Variants in GABRG3 observed in about 807,000 individuals in gnomAD.
GABRG3 encodes the protein gamma-aminobutyric acid receptor subunit gamma-3.
A neutral mutation model predicts 48.8 loss-of-function variants in GABRG3; 25 were observed. The observed-to-expected ratio is 0.51, with a 90% confidence interval of 0.37 to 0.72. The LOEUF (loss-of-function observed/expected upper bound fraction) is 0.72, where lower values mean the gene tolerates loss of function less well. Ranked by LOEUF, GABRG3 falls within the 30% of genes least tolerant of loss-of-function variation. The probability of loss-of-function intolerance (pLI) is 0.00; values close to 1 mark genes in which losing one functional copy is unlikely to be tolerated. For missense variants in GABRG3, 394 were observed against 577.9 expected (o/e 0.68, Z 3.26); for synonymous variants, 227 against 217.6 (o/e 1.04, Z -0.38).
chr15:27,532,789 A>G lies in GABRG3; in HGVS notation c.1312A>G (p.Ile438Val), dbSNP rs1891458969. The G allele has an allele frequency of 6.2e-7, 1 of 1,613,882 alleles. No homozygotes were observed. The highest frequency in any genetic ancestry group is 1.3e-5 in the African/African-American group (1 of 74,934). The part of the protein sequence containing the change: ...SWRKGRIHID[I>V]LELDSYSRVF... The stretch of plus-strand genomic sequence containing the variant: ...GAGGAAAGGGCGTATTCACATAGAC[A>G]TCTTGGAGCTGGACTCGTACTCCCG... Residue 438 changes from isoleucine (I) to valine (V), a missense_variant, in exon 10 of 10, where the codon ATC becomes GTC. By Grantham distance (29) the Ile-to-Val change is conservative. Around this residue, in one of 3 missense-constraint regions of GABRG3, gnomAD observed 126 missense variants for 155.5 expected, o/e 0.81. Coordinates refer to ENST00000615808, the MANE Select transcript of GABRG3 (RefSeq NM_033223.5).
At chr15:27,426,112 C>A (rs1479982458) in intron 5 of GABRG3, among the ~76,000 whole-genome samples, 1 of 152,194 alleles carries the variant, frequency 6.6e-6, no homozygotes, top group Non-Finnish European at 1.5e-5. Flanking sequence ...ATGTCAGAAT[C>A]TCTGCAAGGA....
intron 3 of GABRG3, among the ~76,000 whole-genome samples, chr15:27,283,442 A>G (rs548894037): frequency 1.1e-3 from 165 of 152,288 alleles, no homozygotes; most frequent in Admixed American, 3.4e-3. Flanking sequence ...CATCTCTACT[A>G]TAAATACAAA....
intron 5 of GABRG3, among the ~76,000 whole-genome samples, chr15:27,368,660 G>A (rs114092029): frequency 3.1e-4 from 47 of 152,326 alleles, no homozygotes; most frequent in African/African-American, 1.0e-3. Flanking sequence ...GAGCACAGGG[G>A]TGCAGTCACT....
chr15:27,092,060 G>A (rs1011882840), intron 3 of GABRG3, among the ~76,000 whole-genome samples: 8 of 152,150 alleles, frequency 5.3e-5, no homozygotes, highest in Non-Finnish European at 7.4e-5. Context: ...CTTTTCTTAC[G>A]CACTCACTGT....
intron 5 of GABRG3, among the ~76,000 whole-genome samples, chr15:27,441,841 G>A (rs1379097987): frequency 7.9e-5 from 12 of 152,272 alleles, no homozygotes; most frequent in Middle Eastern, 3.4e-3. Flanking sequence ...TTTAAAGCTT[G>A]TGATCAGGCT....
At chr15:27,204,949 G>GATGGC (rs1252257701) in intron 3 of GABRG3, among the ~76,000 whole-genome samples, 3 of 152,054 alleles carry the variant, frequency 2.0e-5, no homozygotes, top group Admixed American at 2.0e-4. Flanking sequence ...GGGCAGAAAC[G>GATGGC]ATGGCATTTT....
At chr15:27,006,228 G>A (rs1404107390) in intron 2 of GABRG3, among the ~76,000 whole-genome samples, 1 of 151,810 alleles carries the variant, frequency 6.6e-6, no homozygotes, top group Non-Finnish European at 1.5e-5. Flanking sequence ...TTGAGACAGG[G>A]TCTCGCTTTG....
chr15:27,161,241 A>G (rs1333322728), intron 3 of GABRG3: 1 of 152,222 alleles, frequency 6.6e-6, no homozygotes, highest in Non-Finnish European at 1.5e-5. Flanking sequence ...AAAGCTAGTA[A>G]GTTGGCCTGC....
chr15:27,248,831 G>C (rs11636737), intron 3 of GABRG3, among the ~76,000 whole-genome samples: 2 of 128,912 alleles, frequency 1.6e-5, no homozygotes, highest in Admixed American at 1.6e-4. Flanking sequence ...GAGAGAGAGA[G>C]AGAGACAGAG....
intron 5 of GABRG3, among the ~76,000 whole-genome samples, chr15:27,458,157 G>A (rs986503888): frequency 6.6e-5 from 10 of 152,114 alleles, no homozygotes; most frequent in Admixed American, 1.3e-4. Context: ...CATCCAGGCC[G>A]CATCTTCACC....
Position 27,119,724 on chromosome 15 carries a change from G to A in GABRG3, c.270+92903G>A, listed in dbSNP as rs138097366. Among the ~76,000 whole-genome samples the A allele has an allele frequency of 7.4e-4, 112 of 152,264 alleles. 2 individuals carry two copies. Among genetic ancestry groups the A allele is most frequent in the African/African-American group, 2.5e-3 (104 of 41,566 alleles). On this transcript the variant is annotated intron_variant, in intron 3 of 9. Coordinates refer to ENST00000615808, the MANE Select transcript of GABRG3 (RefSeq NM_033223.5). ...TTGTGATTTCAGGACTGAGGTCATTGGGTTCGTATGGAAAATCATCTGGAG... is the reference window on the plus strand; with the variant it reads ...TTGTGATTTCAGGACTGAGGTCATTAGGTTCGTATGGAAAATCATCTGGAG...
At chr15:27,039,672 G>A (rs1408026046) in intron 3 of GABRG3, among the ~76,000 whole-genome samples, 2 of 152,170 alleles carry the variant, frequency 1.3e-5, no homozygotes, top group Non-Finnish European at 2.9e-5. Flanking sequence ...TCCTGACAGT[G>A]CATGCAGTTG....
At position 27,308,352 on chromosome 15, in the gene GABRG3, CGTTTATATATAAACATATAAACATTT is replaced by C. The variant is rs1318825907; in HGVS notation, c.271-18436_271-18411del. Among the ~76,000 whole-genome samples the C allele has an allele frequency of 5.2e-4, 53 of 101,678 alleles. No homozygotes were observed. In the East Asian group the frequency reaches 5.3e-3, roughly 10 times the overall value. The allele number at this position is 101,678 out of a possible 152,430, so 66.7% of individuals were successfully genotyped here. On this transcript the variant is annotated intron_variant, in intron 3 of 9. Coordinates refer to ENST00000615808, the MANE Select transcript of GABRG3 (RefSeq NM_033223.5). ...TATATATAAACATAATATAAACATA[CGTTTATATATAAACATATAAACATTT>C]GTTTATATATAAACATATAATATAA...
chr15:27,008,968 A>G (rs556648818), intron 2 of GABRG3, among the ~76,000 whole-genome samples: 2 of 152,228 alleles, frequency 1.3e-5, no homozygotes, highest in African/African-American at 4.8e-5. Flanking sequence ...TTTCCAGAGA[A>G]GAGAGGTAGG....
At chr15:27,501,463 A>G (rs1027149126) in intron 6 of GABRG3, among the ~76,000 whole-genome samples, 4 of 152,134 alleles carry the variant, frequency 2.6e-5, no homozygotes, top group Admixed American at 1.3e-4. Flanking sequence ...TAGAGCCTCA[A>G]TGTCAGTCAC....
intron 3 of GABRG3, among the ~76,000 whole-genome samples, chr15:27,109,410 T>TAACGCTATA (rs1352568802): frequency 6.6e-6 from 1 of 152,192 alleles, no homozygotes; most frequent in African/African-American, 2.4e-5. Flanking sequence ...GCTGAATGTG[T>TAACGCTATA]AACGCTATGT....
intron 6 of GABRG3, among the ~76,000 whole-genome samples, chr15:27,507,088 A>T (rs374794694): frequency 6.6e-6 from 1 of 152,206 alleles, no homozygotes; most frequent in East Asian, 1.9e-4. Context: ...ATAAAATCCT[A>T]CAAATGTGTT....
intron 5 of GABRG3, among the ~76,000 whole-genome samples, chr15:27,423,265 A>C (rs1391157896): frequency 3.5e-5 from 5 of 142,126 alleles, no homozygotes; most frequent in Non-Finnish European, 4.6e-5. Context: ...AAAAAAAAAA[A>C]CCTCTAGAGA....
At position 27,249,065 on chromosome 15, in the gene GABRG3, G is replaced by A. The variant is rs373132762; in HGVS notation, c.271-77744G>A. On this transcript the variant is annotated intron_variant, in intron 3 of 9. Transcript: ENST00000615808. ...TTTAGTCAAATGGTCGGAATAACTA[G>A]CGACAATGCATACAAAGGAATATTC... Among the ~76,000 whole-genome samples the A allele has an allele frequency of 2.6e-4, 40 of 152,284 alleles. No homozygotes were observed. In the East Asian group the frequency reaches 3.7e-3, roughly 14 times the overall value.
Sources: gnomAD v4.1 joint callset for allele counts (sites outside exome capture counted in the v4.1 genomes callset) on GRCh38, gnomAD v4.1.1 for gene constraint, gnomAD v4.1.1 regional missense constraint, MANE v1.5 for transcripts, NCBI Gene and HGNC (gene_info 2026-07-23, HGNC 2026-07-21) for gene names.